ZBTB7C: variants seen among roughly 807,000 people sequenced by gnomAD.
The protein encoded by ZBTB7C is zinc finger and BTB domain containing 7C.
A neutral mutation model predicts 25.7 loss-of-function variants in ZBTB7C; 8 were observed. The observed-to-expected ratio is 0.31, with a 90% CI of 0.18 to 0.56. ZBTB7C has a LOEUF of 0.56. Ranked by LOEUF, ZBTB7C falls within the 20% of genes least tolerant of loss-of-function variation. The pLI, the probability that ZBTB7C is intolerant of heterozygous loss-of-function variation, is 0.91. For synonymous variants in ZBTB7C, 394 were observed against 369.0 expected (o/e 1.07, Z -0.78); for missense variants, 824 against 855.2 (o/e 0.96, Z 0.46).
At chr18:48,200,442 G>A (rs1468422553) in intron 2 of ZBTB7C, among the ~76,000 whole-genome samples, 5 of 152,016 alleles carry the variant, frequency 3.3e-5, no homozygotes, top group Non-Finnish European at 7.4e-5. Flanking sequence ...AGTCCACAGT[G>A]GTATATCACT....
At chr18:48,269,248 G>A (rs1477211734) in intron 2 of ZBTB7C, among the ~76,000 whole-genome samples, 1 of 152,172 alleles carries the variant, frequency 6.6e-6, no homozygotes, top group Non-Finnish European at 1.5e-5. Context: ...ACACATGTGA[G>A]CCGCCATGCC....
rs2035538371 is a variant in ZBTB7C at position 48,026,750 on chromosome 18, T to C, written c.*2510A>G. ...TAAGGGTCAAAGGTTTTTTTTTTTT[T>C]CTTTGTTAAGGTGTCTTTGACATTA... On this transcript the variant is annotated 3_prime_UTR_variant, in exon 5 of 5. Transcript: ENST00000590800. 2.6e-5 allele frequency: 4 copies of C among 151,900 alleles called. No homozygotes were observed. The highest frequency in any genetic ancestry group is 4.4e-5 in the Non-Finnish European group (3 of 67,980). 9.4% of individuals were successfully genotyped at this position (151,900 alleles called of 1,614,324 possible).
At chr18:48,392,437 CTG>C (rs1349130360) in intron 1 of ZBTB7C, among the ~76,000 whole-genome samples, 1 of 152,188 alleles carries the variant, frequency 6.6e-6, no homozygotes, top group Non-Finnish European at 1.5e-5. Context: ...CAAGCTATGG[CTG>C]TGTTTCTCTG....
chr18:48,350,908 T>A (rs1410706951), intron 1 of ZBTB7C, among the ~76,000 whole-genome samples: 3 of 152,112 alleles, frequency 2.0e-5, no homozygotes, highest in South Asian at 2.1e-4. Context: ...AGTCTGTGGA[T>A]GCACTATAGT....
chr18:48,370,090 A>C (rs1028669464), intron 1 of ZBTB7C, among the ~76,000 whole-genome samples: 1 of 152,338 alleles, frequency 6.6e-6, no homozygotes. Context: ...AATAACAGCA[A>C]GATAAGAGTA....
intron 2 of ZBTB7C, among the ~76,000 whole-genome samples, chr18:48,319,236 GAC>G (rs2046031751): frequency 6.6e-6 from 1 of 151,938 alleles, no homozygotes; most frequent in Non-Finnish European, 1.5e-5. Flanking sequence ...CATTTAGAGA[GAC>G]AGTGTAGTAC....
intron 1 of ZBTB7C, among the ~76,000 whole-genome samples, chr18:48,378,187 T>C (rs2047564506): frequency 6.6e-6 from 1 of 152,170 alleles, no homozygotes; most frequent in Admixed American, 6.5e-5. Flanking sequence ...AGTTAGAGTT[T>C]CTTCTCTGAT....
At chr18:48,256,130 T>A (rs765015415) in intron 2 of ZBTB7C, among the ~76,000 whole-genome samples, 16 of 151,794 alleles carry the variant, frequency 1.1e-4, no homozygotes, top group African/African-American at 2.7e-4. Flanking sequence ...ACTTTATTTT[T>A]AAAAAAAACT....
intron 3 of ZBTB7C, among the ~76,000 whole-genome samples, chr18:48,104,684 T>C (rs1312044927): frequency 3.3e-5 from 5 of 152,220 alleles, no homozygotes; most frequent in South Asian, 2.1e-4. Flanking sequence ...TTTTCTTTGC[T>C]ATGAGGATGC....
chr18:48,265,838 G>C (rs1370592052), intron 2 of ZBTB7C, among the ~76,000 whole-genome samples: 1 of 152,200 alleles, frequency 6.6e-6, no homozygotes, highest in East Asian at 1.9e-4. Flanking sequence ...GTGTCAACTT[G>C]CTGTACCATG....
intron 3 of ZBTB7C, among the ~76,000 whole-genome samples, chr18:48,139,780 G>A (rs2040286951): frequency 6.6e-6 from 1 of 152,132 alleles, no homozygotes; most frequent in East Asian, 1.9e-4. Flanking sequence ...AGTGGGTGGG[G>A]AGAGAGGGCA....
At chr18:48,344,758 T>C (rs2046688973) in intron 1 of ZBTB7C, among the ~76,000 whole-genome samples, 1 of 152,222 alleles carries the variant, frequency 6.6e-6, no homozygotes, top group African/African-American at 2.4e-5. Flanking sequence ...CTACCAATTA[T>C]ATGGATACTA....
At chr18:48,114,715 T>C (rs1172452834) in intron 3 of ZBTB7C, among the ~76,000 whole-genome samples, 2 of 152,178 alleles carry the variant, frequency 1.3e-5, no homozygotes, top group South Asian at 2.1e-4. Context: ...AGTATATTCA[T>C]TGGGATCATG....
chr18:48,279,719 C>A (rs375739574), intron 2 of ZBTB7C, among the ~76,000 whole-genome samples: 1 of 152,178 alleles, frequency 6.6e-6, no homozygotes, highest in Non-Finnish European at 1.5e-5. Context: ...GTGGGAGCTG[C>A]GCAAAGCAAG....
At chr18:48,217,346 C>T (rs914034042) in intron 2 of ZBTB7C, among the ~76,000 whole-genome samples, 1 of 152,178 alleles carries the variant, frequency 6.6e-6, no homozygotes, top group African/African-American at 2.4e-5. Context: ...CCATCAGAAG[C>T]ATTACTAAGA....
intron 4 of ZBTB7C, among the ~76,000 whole-genome samples, chr18:48,037,509 G>A (rs988606294): frequency 3.3e-5 from 5 of 152,266 alleles, no homozygotes; most frequent in Admixed American, 6.5e-5. Context: ...TCTGTCTGCA[G>A]TGACTACGCA....
chr18:48,090,010 G>A (rs1237812412), intron 3 of ZBTB7C, among the ~76,000 whole-genome samples: 1 of 152,240 alleles, frequency 6.6e-6, no homozygotes, highest in Non-Finnish European at 1.5e-5. Flanking sequence ...GTGGTCCGTG[G>A]CAGGGCAGTG....
At chr18:48,168,471 C>A (rs939065332) in intron 3 of ZBTB7C, among the ~76,000 whole-genome samples, 4 of 152,304 alleles carry the variant, frequency 2.6e-5, no homozygotes, top group Non-Finnish European at 5.9e-5. Flanking sequence ...TTATAAGTTA[C>A]AGACATAGGT....
At chr18:48,073,590 C>T (rs910798711) in intron 3 of ZBTB7C, among the ~76,000 whole-genome samples, 8 of 152,172 alleles carry the variant, frequency 5.3e-5, no homozygotes, top group African/African-American at 1.9e-4. Flanking sequence ...AAAACAGGCC[C>T]TGAGTTTGAA....
Sources: allele counts gnomAD v4.1 joint callset (sites outside exome capture counted in the v4.1 genomes callset), GRCh38; gene constraint gnomAD v4.1.1; transcripts MANE v1.5; gene names NCBI Gene and HGNC (gene_info 2026-07-23, HGNC 2026-07-21).